The following RNGTT variants were observed in gnomAD, a reference collection of about 807,000 sequenced individuals.
RNGTT encodes the protein RNA guanylyltransferase and 5'-phosphatase.
A neutral mutation model predicts 79.3 loss-of-function variants in RNGTT; 33 were observed. The ratio of observed to expected loss-of-function variants is 0.42; its 90% CI spans 0.32 to 0.56. RNGTT has a LOEUF of 0.56. RNGTT is among the 20% of genes least tolerant of loss of function. The pLI is 0.17. For missense variants in RNGTT, 497 were observed against 739.1 expected (o/e 0.67, Z 3.80); for synonymous variants, 222 against 235.9 (o/e 0.94, Z 0.54).
At chr6:88,737,531 C>T (rs1237739304) in intron 13 of RNGTT, among the ~76,000 whole-genome samples, 1 of 152,138 alleles carries the variant, frequency 6.6e-6, no homozygotes, top group Non-Finnish European at 1.5e-5. Context: ...GAAGCCCTAA[C>T]GCCCTTAGCT....
intron 6 of RNGTT, among the ~76,000 whole-genome samples, chr6:88,895,583 A>T (rs1009013604): frequency 1.3e-4 from 20 of 152,316 alleles, no homozygotes; most frequent in African/African-American, 4.8e-4. Context: ...TAAGAATCAG[A>T]AAAGACTGTA....
At chr6:88,835,515 A>G (rs1243528189) in intron 11 of RNGTT, among the ~76,000 whole-genome samples, 2 of 152,234 alleles carry the variant, frequency 1.3e-5, no homozygotes, top group African/African-American at 2.4e-5. Flanking sequence ...AGACAAGAAT[A>G]TATCAGGAAA....
intron 11 of RNGTT, among the ~76,000 whole-genome samples, chr6:88,815,218 G>C (rs1780277248): frequency 6.6e-6 from 1 of 152,154 alleles, no homozygotes; most frequent in African/African-American, 2.4e-5. Context: ...GACACCAAAA[G>C]CTTGCATTAA....
At chr6:88,839,608 T>C (rs1781198846) in intron 11 of RNGTT, among the ~76,000 whole-genome samples, 1 of 152,078 alleles carries the variant, frequency 6.6e-6, no homozygotes, top group South Asian at 2.1e-4. Flanking sequence ...ATGGAGATAG[T>C]AAGAATATAA....
intron 11 of RNGTT, among the ~76,000 whole-genome samples, chr6:88,805,030 T>C (rs1008927599): frequency 1.3e-5 from 2 of 152,238 alleles, no homozygotes; most frequent in African/African-American, 4.8e-5. Context: ...AAGTTCCTCA[T>C]TCATTTACGA....
intron 12 of RNGTT, among the ~76,000 whole-genome samples, chr6:88,795,903 G>A: frequency 6.6e-6 from 1 of 152,098 alleles, no homozygotes; most frequent in East Asian, 1.9e-4. Flanking sequence ...AGCTGGAGAA[G>A]AAAAATCTAT....
At chr6:88,864,834 A>AT (rs1442799397) in intron 8 of RNGTT, among the ~76,000 whole-genome samples, 3 of 152,168 alleles carry the variant, frequency 2.0e-5, no homozygotes, top group African/African-American at 4.8e-5. Flanking sequence ...GAAATTAGCC[A>AT]GTCACAACTG....
intron 11 of RNGTT, among the ~76,000 whole-genome samples, chr6:88,833,468 T>C (rs917647053): frequency 6.6e-6 from 1 of 152,152 alleles, no homozygotes; most frequent in Non-Finnish European, 1.5e-5. Context: ...AAATACCTAA[T>C]GTAGATGACG....
intron 4 of RNGTT, among the ~76,000 whole-genome samples, chr6:88,922,212 T>G (rs1321803210): frequency 6.6e-6 from 1 of 151,920 alleles, no homozygotes; most frequent in Non-Finnish European, 1.5e-5. Flanking sequence ...GCTCTTACTA[T>G]TATTTTTAAT....
intron 2 of RNGTT, among the ~76,000 whole-genome samples, chr6:88,935,323 C>T (rs1784632163): frequency 6.6e-6 from 1 of 152,124 alleles, no homozygotes; most frequent in African/African-American, 2.4e-5. Context: ...TTACTATAGC[C>T]TTGTAATACA....
At chr6:88,692,268 T>C (rs773845316) in intron 13 of RNGTT, among the ~76,000 whole-genome samples, 63 of 152,252 alleles carry the variant, frequency 4.1e-4, no homozygotes, top group Admixed American at 1.0e-3. Context: ...CTAAAATATT[T>C]GCTCTCTGGT....
chr6:88,753,881 G>C lies in RNGTT; in HGVS notation c.1439+15893C>G, dbSNP rs529087885. 7.5e-4 allele frequency among the ~76,000 whole-genome samples: 114 copies of C among 152,146 alleles called. 1 individual carries two copies. The highest frequency in any genetic ancestry group is 2.4e-3 in the African/African-American group (101 of 41,542). ...CACTCTAGATTCAGATATTTAGAAA[G>C]TACGGGTTAAAAAGGCCTTGACAAA... On this transcript the variant is annotated intron_variant, in intron 13 of 15. Coordinates refer to ENST00000369485, the MANE Select transcript of RNGTT (RefSeq NM_003800.5).
At chr6:88,909,453 C>G (rs1342209554) in intron 4 of RNGTT, among the ~76,000 whole-genome samples, 1 of 152,164 alleles carries the variant, frequency 6.6e-6, no homozygotes, top group African/African-American at 2.4e-5. Context: ...CAGACATACC[C>G]CACAACCCAC....
At chr6:88,868,233 A>G (rs1194408105) in intron 8 of RNGTT, among the ~76,000 whole-genome samples, 1 of 152,102 alleles carries the variant, frequency 6.6e-6, no homozygotes, top group Non-Finnish European at 1.5e-5. Context: ...CCTAAACTTC[A>G]AGAAGATTGA....
rs888894968 is a variant in RNGTT, at chr6:88,610,453, T to C, written c.*2266A>G. ...TGTGATAACTGAAGAAAGCAAAGTT[T>C]TCTTATTCTTGTCTAAAAAACTTCA... On this transcript the variant is annotated 3_prime_UTR_variant, in exon 16 of 16. Transcript: ENST00000369485. 1 of 152,456 alleles carries C rather than the reference T, an allele frequency of 6.6e-6. No homozygotes were observed. The highest frequency in any genetic ancestry group is 1.5e-5 in the Non-Finnish European group (1 of 68,024). The allele number at this position is 152,456 out of a possible 1,614,324, so 9.4% of individuals were successfully genotyped here.
intron 11 of RNGTT, among the ~76,000 whole-genome samples, chr6:88,843,106 C>G (rs1346029173): frequency 1.3e-5 from 2 of 148,618 alleles, no homozygotes; most frequent in Non-Finnish European, 3.0e-5. Context: ...ACAAAAAACT[C>G]ATACTCACCT....
chr6:88,953,218 A>T (rs560835525), intron 1 of RNGTT, among the ~76,000 whole-genome samples: 171 of 152,336 alleles, frequency 1.1e-3, no homozygotes, highest in Non-Finnish European at 1.6e-3. Context: ...AAGAAATTTT[A>T]AAAAATACAA....
intron 11 of RNGTT, among the ~76,000 whole-genome samples, chr6:88,843,684 G>A (rs986236924): frequency 2.7e-5 from 4 of 146,572 alleles, no homozygotes; most frequent in African/African-American, 5.0e-5. Context: ...TCAGCCTCCC[G>A]AGTAGCTGGG....
intron 2 of RNGTT, among the ~76,000 whole-genome samples, chr6:88,930,259 CCTTT>C (rs140751738): frequency 0.022 from 3,182 of 147,382 alleles, 106 homozygotes; most frequent in African/African-American, 0.075. Context: ...TATATATGTC[CCTTT>C]CTTTGTTATT....
Sources: gnomAD v4.1 joint callset for allele counts (sites outside exome capture counted in the v4.1 genomes callset) on GRCh38, gnomAD v4.1.1 for gene constraint, MANE v1.5 for transcripts, NCBI Gene and HGNC (gene_info 2026-07-23, HGNC 2026-07-21) for gene names.